The following DNASE1 variants were observed in gnomAD, a reference collection of about 807,000 sequenced individuals.
DNASE1 encodes deoxyribonuclease 1.
A neutral mutation model predicts 33.9 loss-of-function variants in DNASE1; 40 were observed. That is an observed-to-expected ratio of 1.18 (90% CI 0.92 to 1.54). The LOEUF (loss-of-function observed/expected upper bound fraction) is 1.54, where lower values mean the gene tolerates loss of function less well. Among genes scored for constraint, DNASE1 ranks in the 40% most tolerant of loss-of-function variants. The pLI is 0.00. For synonymous variants in DNASE1, 216 were observed against 160.0 expected, an observed-to-expected ratio of 1.35 and a Z score of -2.64; for missense variants, 518 against 372.6, an observed-to-expected ratio of 1.39 and a Z score of -3.21.
At chr16:3,652,334 T>C (rs1330343984), upstream of DNASE1, 1 of 152,320 alleles carries the variant, frequency 6.6e-6, no homozygotes, top group African/African-American at 2.4e-5. Context: ...GGCAGTTTCT[T>C]GGTGGAGGAC....
At chr16:3,662,173 A>G (rs374792668), downstream of DNASE1, 8 of 1,586,500 alleles carry the variant, frequency 5.0e-6, no homozygotes, top group Non-Finnish European at 8.6e-7. Flanking sequence ...AGAGGTTCCC[A>G]ATGTGAGAGG....
Position 3,655,472 on chromosome 16 carries a change from T to C in DNASE1, c.99T>C (p.Phe33=), listed in dbSNP as rs1473652368. ...TCGCAGCCTTCAACATCCAGACATT[T>C]GGGGAGACCAAGATGTCCAATGCCA... ...LKIAAFNIQT[F]GETKMSNATL... Residue 33 remains phenylalanine (F), a synonymous_variant, in exon 2 of 9, where the codon TTT becomes TTC. Transcript: ENST00000246949. 2 of 1,614,032 alleles carry C rather than the reference T, an allele frequency of 1.2e-6. No individual in the cohort carries two copies. Among genetic ancestry groups the C allele is most frequent in the South Asian group, 1.1e-5 (1 of 91,092 alleles).
chr16:3,628,755 T>C (rs1310424919), intron 1 of DNASE1, among the ~76,000 whole-genome samples: 1 of 147,372 alleles, frequency 6.8e-6, no homozygotes, highest in Non-Finnish European at 1.5e-5. Context: ...GAGACGGGGT[T>C]TCACCGTGTT....
intron 1 of DNASE1, among the ~76,000 whole-genome samples, chr16:3,633,350 T>C (rs2041759376): frequency 1.3e-5 from 2 of 152,232 alleles, no homozygotes; most frequent in Admixed American, 6.5e-5. Context: ...CCCATGCCTG[T>C]AATCCCAGCA....
At chr16:3,617,260 A>C (rs1482176875) in intron 1 of DNASE1, among the ~76,000 whole-genome samples, 1 of 134,288 alleles carries the variant, frequency 7.4e-6, no homozygotes, top group Non-Finnish European at 1.6e-5. Flanking sequence ...CGGGAGATGG[A>C]GGTTGCGGTG....
At position 3,627,871 on chromosome 16, in the gene DNASE1, A is replaced by G. The variant is rs559557120; in HGVS notation, c.-1358-12844A>G. The stretch of plus-strand genomic sequence containing the variant: ...CCTGAATCTGTTTTTCTTTTTCAAC[A>G]TGGTGTTGGCTATCTGGGGTCCGTG... On this transcript the variant is annotated intron_variant and NMD_transcript_variant, in intron 1 of 11. Coordinates refer to the DNASE1 transcript ENST00000570769. Among the ~76,000 whole-genome samples the G allele has an allele frequency of 1.7e-4, 24 of 144,864 alleles. No homozygotes were observed. In the South Asian group the frequency reaches 3.7e-3, roughly 22 times the overall value.
At chr16:3,627,677 G>A (rs1226778872) in intron 1 of DNASE1, among the ~76,000 whole-genome samples, 3 of 151,980 alleles carry the variant, frequency 2.0e-5, no homozygotes, top group Non-Finnish European at 2.9e-5. Context: ...TCTTTTCCCC[G>A]TTGAATGGTC....
chr16:3,614,561 G>A (rs1198034594), intron 1 of DNASE1, among the ~76,000 whole-genome samples: 1 of 152,170 alleles, frequency 6.6e-6, no homozygotes, highest in African/African-American at 2.4e-5. Context: ...ATCACGCTTT[G>A]CCTTTGGGTG....
chr16:3,659,963 G>C (rs574554890), downstream of DNASE1: 2 of 152,276 alleles, frequency 1.3e-5, no homozygotes, highest in African/African-American at 4.8e-5. Context: ...CTGACCTCAA[G>C]TGATCCACCC....
chr16:3,639,743 T>C (rs974870102), upstream of DNASE1, among the ~76,000 whole-genome samples: 3 of 152,324 alleles, frequency 2.0e-5, no homozygotes, highest in Middle Eastern at 0.01. Flanking sequence ...TTTTTTAAAT[T>C]GGATGCTGAA....
chr16:3,664,338 G>A (rs2050774002), exon 10 of DNASE1: 2 of 1,613,034 alleles, frequency 1.2e-6, no homozygotes, highest in Middle Eastern at 1.7e-4. Flanking sequence ...ACGGTTGGGG[G>A]CGCACAGGTA....
At chr16:3,658,826 G>A (rs984264954), downstream of DNASE1, 7 of 1,613,836 alleles carry the variant, frequency 4.3e-6, no homozygotes, top group South Asian at 5.5e-5. Flanking sequence ...GGCCAGGCTC[G>A]CTTGCGCGCA....
In DNASE1 at chr16:3,655,006, G is replaced by A. The variant is rs2042502377; in HGVS notation, c.-40G>A. 2.0e-6 allele frequency: 1 copy of A among 489,840 alleles called. No individual in the cohort carries two copies. The highest frequency in any genetic ancestry group is 3.1e-5 in the East Asian group (1 of 31,788). 30.3% of individuals were successfully genotyped at this position (489,840 alleles called of 1,614,324 possible). The stretch of plus-strand genomic sequence containing the variant: ...CAAAGGATATTCCAGATTCTTGACA[G>A]CATTCTCGTCATCTCTGAGGACATC... On this transcript the variant is annotated 5_prime_UTR_variant, in exon 1 of 9. Transcript: ENST00000246949.
chr16:3,651,533 C>T (rs1318409567), upstream of DNASE1: 1 of 152,316 alleles, frequency 6.6e-6, no homozygotes, highest in Admixed American at 6.5e-5. Flanking sequence ...TTGTACCCCA[C>T]TCACTCCCCT....
chr16:3,662,011 T>C (rs909375484), downstream of DNASE1: 5 of 1,611,168 alleles, frequency 3.1e-6, no homozygotes, highest in African/African-American at 6.7e-5. Context: ...CAGCGTGGGC[T>C]GCAGGAGCTG....
chr16:3,662,133 C>T, downstream of DNASE1: 2 of 1,610,794 alleles, frequency 1.2e-6, no homozygotes, highest in Non-Finnish European at 8.5e-7. Flanking sequence ...GGAGGGTCAC[C>T]TGTGAGCAAA....
intron 8 of DNASE1, 25 bp from the exon 9 acceptor site, chr16:3,657,881 A>C: frequency 6.2e-7 from 1 of 1,614,050 alleles, no homozygotes; most frequent in Non-Finnish European, 8.5e-7. Flanking sequence ...GGCTCAGCCC[A>C]GACCCTGTGC....
chr16:3,662,179 A>G, downstream of DNASE1: 15 of 1,581,928 alleles, frequency 9.5e-6, no homozygotes, highest in Non-Finnish European at 1.2e-5. Context: ...TCCCAATGTG[A>G]GAGGGCTGGC....
In DNASE1 at chr16:3,655,430, G is replaced by T; in HGVS notation, c.57G>T (p.Gly19=). 1 of 1,614,122 alleles carries T rather than the reference G, an allele frequency of 6.2e-7. No homozygotes were observed. Residue 19 remains glycine (G), a synonymous_variant, in exon 2 of 9, where the codon GGG becomes GGT. Coordinates refer to ENST00000246949, the MANE Select transcript of DNASE1 (RefSeq NM_005223.4). ...ALLALAALLQ[G]AVSLKIAAFN... The stretch of plus-strand genomic sequence containing the variant: ...TGGCACTGGCGGCCCTACTGCAGGG[G>T]GCCGTGTCCCTGAAGATCGCAGCCT...
Sources: gnomAD v4.1 joint callset for allele counts (sites outside exome capture counted in the v4.1 genomes callset) on GRCh38, gnomAD v4.1.1 for gene constraint, MANE v1.5 for transcripts, NCBI Gene and HGNC (gene_info 2026-07-23, HGNC 2026-07-21) for gene names.